Variants in OR51E2 observed in about 807,000 individuals in gnomAD.
The protein encoded by OR51E2 is olfactory receptor family 51 subfamily E member 2.
OR51E2 carries 14 observed loss-of-function variants against 13.7 expected under a neutral mutation model. That is an observed-to-expected ratio of 1.02 (90% CI 0.68 to 1.60). OR51E2 has a LOEUF of 1.60. Among genes scored for constraint, OR51E2 ranks in the 40% most tolerant of loss-of-function variants. OR51E2 has a pLI of 0.00. For missense variants in OR51E2, 483 were observed against 413.8 expected (o/e 1.17, Z -1.45); for synonymous variants, 180 against 157.6 (o/e 1.14, Z -1.07).
rs7101393 is a variant in OR51E2 at position 4,680,713 on chromosome 11, T to G, written c.*1036A>C. 1 of 152,570 alleles carries G rather than the reference T, an allele frequency of 6.6e-6. No homozygotes were observed. Among genetic ancestry groups the G allele is most frequent in the African/African-American group, 2.4e-5 (1 of 41,454 alleles). The allele number at this position is 152,570 out of a possible 1,614,324, so 9.5% of individuals were successfully genotyped here. On this transcript the variant is annotated 3_prime_UTR_variant, in exon 2 of 2. Coordinates refer to ENST00000396950, the MANE Select transcript of OR51E2 (RefSeq NM_030774.4). The stretch of plus-strand genomic sequence containing the variant: ...ACACATAAAACCTGTGAAGCACTTA[T>G]AATAGTGCCAGAACATTGTGAGCAC...
At position 4,682,553 on chromosome 11, in the gene OR51E2, G is replaced by C; in HGVS notation, c.159C>G (p.Ser53Arg). Residue 53 changes from serine to arginine, a missense_variant, in exon 2 of 2, where the codon AGC (serine) becomes AGG (arginine). Physicochemically the swap from Ser to Arg is moderately radical, Grantham distance 110. Transcript: ENST00000396950. Reference protein sequence around the residue: ...IVVFIVRTERSLHAPMYLFLC... With the variant: ...IVVFIVRTERRLHAPMYLFLC... ...GAAAGAGGTACATCGGAGCGTGCAG[G>C]CTGCGTTCCGTCCTTACGATGAAGA... 6.2e-7 allele frequency: 1 copy of C among 1,614,054 alleles called. No individual in the cohort carries two copies.
In OR51E2 at chr11:4,682,148, A is replaced by C. The variant is rs995426213; in HGVS notation, c.564T>G (p.Tyr188Ter). The C allele has an allele frequency of 1.2e-6, 2 of 1,614,246 alleles. No homozygotes were observed. The highest frequency in any genetic ancestry group is 1.7e-6 in the Non-Finnish European group (2 of 1,180,032). ...CVHQDVMKLA[Y>*]ADTLPNVVYG... Reference sequence around the variant, plus strand: ...ATACCACATTGGGCAAAGTGTCTGCATAGGCCAACTTCATTACATCCTGGT... The same window carrying C: ...ATACCACATTGGGCAAAGTGTCTGCCTAGGCCAACTTCATTACATCCTGGT... Residue 188 changes from tyrosine (Y) to a stop codon, truncating the protein, a stop_gained, in exon 2 of 2, where the codon TAT becomes TAG. Transcript: ENST00000396950. LOFTEE classifies it high-confidence loss of function.
In OR51E2 at chr11:4,682,478, A is replaced by G. The variant is rs771222329; in HGVS notation, c.234T>C (p.Pro78=). ...IDLALSTSTM[P]KILALFWFDS... Reference sequence around the variant, plus strand: ...CAAACCAGAAAAGGGCAAGGATCTTAGGCATGGTGGATGTGGATAAGGCCA... The same window carrying G: ...CAAACCAGAAAAGGGCAAGGATCTTGGGCATGGTGGATGTGGATAAGGCCA... The change falls in exon 2 of 2, where the codon CCT becomes CCC. Residue 78 remains proline (P), a synonymous_variant. Transcript: ENST00000396950. The G allele has an allele frequency of 1.9e-6, 3 of 1,614,244 alleles. No homozygotes were observed. The South Asian group carries it at 3.3e-5, about 18-fold the overall frequency.
chr11:4,685,739 C>T (rs1451295099), intron 1 of OR51E2: 1 of 152,254 alleles, frequency 6.6e-6, no homozygotes, highest in Non-Finnish European at 1.5e-5. Context: ...TTGTCAAAGG[C>T]TTACAATGTT....
At chr11:4,687,233 T>C (rs1405945332) in intron 1 of OR51E2, among the ~76,000 whole-genome samples, 2 of 152,288 alleles carry the variant, frequency 1.3e-5, no homozygotes, top group South Asian at 2.1e-4. Flanking sequence ...AAAGATGATC[T>C]GCAGGGGTAC....
chr11:4,690,281 A>T (rs1847561411), intron 1 of OR51E2: 1 of 152,448 alleles, frequency 6.6e-6, no homozygotes, highest in East Asian at 1.9e-4. Flanking sequence ...GATATAAAAT[A>T]TGTTAATACA....
chr11:4,694,575 T>TACACACACACAC (rs71050422), intron 1 of OR51E2, among the ~76,000 whole-genome samples: 1 of 147,872 alleles, frequency 6.8e-6, no homozygotes, highest in African/African-American at 2.5e-5. Context: ...CATATATATA[T>TACACACACACAC]ACACACACAC....
chr11:4,693,491 G>A (rs1847612188), intron 1 of OR51E2, among the ~76,000 whole-genome samples: 2 of 152,208 alleles, frequency 1.3e-5, no homozygotes, highest in African/African-American at 4.8e-5. Flanking sequence ...GGAGGCCGAG[G>A]TGGGCGGATC....
chr11:4,680,280 T>A lies in OR51E2; in HGVS notation c.*1469A>T, dbSNP rs1685. On this transcript the variant is annotated 3_prime_UTR_variant, in exon 2 of 2. Transcript: ENST00000396950. ...CAGAGCACATTAAAAAATGAAGACA[T>A]GATCAAGGAGATGTAAGAGACAAAT... 6.6e-6 allele frequency: 1 copy of A among 152,168 alleles called. No homozygotes were observed. Among genetic ancestry groups the A allele is most frequent in the South Asian group, 2.1e-4 (1 of 4,838 alleles). 9.4% of individuals were successfully genotyped at this position (152,168 alleles called of 1,614,324 possible).
chr11:4,694,545 T>G (rs143082406), intron 1 of OR51E2, among the ~76,000 whole-genome samples: 4,556 of 139,778 alleles, frequency 0.033, 189 homozygotes, highest in East Asian at 0.23. Flanking sequence ...TATACGTATA[T>G]ATATATACAC....
rs144777308 is a variant in OR51E2 at position 4,686,451 on chromosome 11, T to A, written c.-50-3690A>T. Among the ~76,000 whole-genome samples, 36 of 152,296 alleles carry A rather than the reference T, an allele frequency of 2.4e-4. No homozygotes were observed. In the East Asian group the frequency reaches 4.6e-3, roughly 20 times the overall value. On this transcript the variant is annotated intron_variant, in intron 1 of 1. Transcript: ENST00000396950. The stretch of plus-strand genomic sequence containing the variant: ...TGCTGTGAACTCAAGGACTTCATCC[T>A]GTAGGAATTGGGAGGTGAATAAATG...
In OR51E2 at chr11:4,682,477, T is replaced by C. The variant is rs372067544; in HGVS notation, c.235A>G (p.Lys79Glu). The change falls in exon 2 of 2, where the codon AAG becomes GAG. Residue 79 changes from lysine (K) to glutamate (E), a missense_variant. Lys to Glu is a moderately conservative substitution (Grantham distance 56). Coordinates refer to ENST00000396950, the MANE Select transcript of OR51E2 (RefSeq NM_030774.4). Reference protein sequence around the residue: ...DLALSTSTMPKILALFWFDSR... With the variant: ...DLALSTSTMPEILALFWFDSR... ...TCAAACCAGAAAAGGGCAAGGATCT[T>C]AGGCATGGTGGATGTGGATAAGGCC... The C allele has an allele frequency of 1.2e-5, 19 of 1,614,076 alleles. No homozygotes were observed. The Middle Eastern group carries it at 9.9e-4, about 84-fold the overall frequency.
intron 1 of OR51E2, chr11:4,691,790 T>C (rs1441365413): frequency 3.1e-6 from 1 of 320,544 alleles, no homozygotes; most frequent in Non-Finnish European, 6.1e-6. Flanking sequence ...AATAATTTTA[T>C]TGTACAGAAA....
intron 1 of OR51E2, chr11:4,691,155 T>G (rs778065677): frequency 5.0e-5 from 23 of 456,548 alleles, no homozygotes; most frequent in South Asian, 3.1e-4. Flanking sequence ...CACATCAGGG[T>G]GGTAGCAGTA....
chr11:4,681,780 TCACAGCTGATCTTGAACATAGCCAG>T lies in OR51E2; in HGVS notation c.907_931del (p.Leu303ThrfsTer13). 6.2e-7 allele frequency: 1 copy of T among 1,614,200 alleles called. No individual in the cohort carries two copies. Among genetic ancestry groups the T allele is most frequent in the South Asian group, 1.1e-5 (1 of 91,088 alleles). ...GCCTCCCACAGCCTGCAAGTCCTTG[TCACAGCTGATCTTGAACATAGCCAG>T]CACCCGTGTTCTGATCTGTTTGGTT... On this transcript the variant is annotated frameshift_variant, in exon 2 of 2. Coordinates refer to ENST00000396950, the MANE Select transcript of OR51E2 (RefSeq NM_030774.4). LOFTEE classifies it high-confidence loss of function.
At chr11:4,689,340 T>C (rs1326492130) in intron 1 of OR51E2, among the ~76,000 whole-genome samples, 1 of 152,020 alleles carries the variant, frequency 6.6e-6, no homozygotes, top group Non-Finnish European at 1.5e-5. Flanking sequence ...TGTTGGGGAA[T>C]AAAAATGCTA....
In OR51E2 at chr11:4,682,324, G is replaced by T. The variant is rs757545384; in HGVS notation, c.388C>A (p.Arg130Ser). 1 of 1,614,160 alleles carries T rather than the reference G, an allele frequency of 6.2e-7. No homozygotes were observed. Among genetic ancestry groups the T allele is most frequent in the African/African-American group, 1.3e-5 (1 of 75,038 alleles). The change falls in exon 2 of 2, where the codon CGC (arginine) becomes AGC (serine). Residue 130 changes from arginine (R) to serine (S), a missense_variant. Coordinates refer to ENST00000396950, the MANE Select transcript of OR51E2 (RefSeq NM_030774.4). ...DRYVAICHPL[R>S]HAAVLNNTVT... ...GTATTGTTGAGCACTGCAGCATGGCGCAGTGGGTGGCAGATGGCCACATAA... is the reference window on the plus strand; with the variant it reads ...GTATTGTTGAGCACTGCAGCATGGCTCAGTGGGTGGCAGATGGCCACATAA...
chr11:4,691,416 A>C (rs533090657), intron 1 of OR51E2: 15 of 457,868 alleles, frequency 3.3e-5, no homozygotes, highest in South Asian at 1.9e-4. Flanking sequence ...GCAGGCATTA[A>C]AGCTGATTTC....
intron 1 of OR51E2, among the ~76,000 whole-genome samples, chr11:4,683,478 A>G (rs1847481208): frequency 1.3e-5 from 2 of 152,232 alleles, no homozygotes; most frequent in African/African-American, 4.8e-5. Context: ...GGATTAAAGG[A>G]AACTCATCTG....
Sources: gnomAD v4.1 joint callset for allele counts (sites outside exome capture counted in the v4.1 genomes callset) on GRCh38, gnomAD v4.1.1 for gene constraint, MANE v1.5 for transcripts, NCBI Gene and HGNC (gene_info 2026-07-23, HGNC 2026-07-21) for gene names.